The following MAST4 variants were observed in gnomAD, a reference collection of about 807,000 sequenced individuals.
MAST4 encodes the protein microtubule-associated serine/threonine-protein kinase 4.
Under a neutral mutation model 162.7 loss-of-function variants are expected in MAST4, and 89 were observed. That is an observed-to-expected ratio of 0.55 (90% CI 0.46 to 0.65). The LOEUF is 0.65. Among genes scored for constraint, MAST4 ranks in the 30% least tolerant of loss-of-function variants. The pLI, the probability that MAST4 is intolerant of heterozygous loss-of-function variation, is 0.00. For missense variants in MAST4, 3,153 were observed against 3,374.0 expected (o/e 0.93, Z 1.62); for synonymous variants, 1,479 against 1,361.1 (o/e 1.09, Z -1.91).
rs1561218919 is a variant in MAST4 at position 67,166,966 on chromosome 5, C to T, written c.7787C>T (p.Ser2596Phe). Residue 2596 changes from serine to phenylalanine, a missense_variant, in exon 29 of 29, where the codon TCT becomes TTT. This residue lies in a region of MAST4 where 1,644 missense variants were observed against 1,495.0 expected (regional missense o/e 1.10). Transcript: ENST00000403625. Reference sequence around the variant, plus strand: ...GCCCCAAACACTGACCGCCCCATCTCTCTTTCTAATGAGAAGGACTTTGTG... The same window carrying T: ...GCCCCAAACACTGACCGCCCCATCTTTCTTTCTAATGAGAAGGACTTTGTG... ...SPAPNTDRPI[S>F]LSNEKDFVVR... 1 of 1,612,688 alleles carries T rather than the reference C, an allele frequency of 6.2e-7. No homozygotes were observed. Among genetic ancestry groups the T allele is most frequent in the Non-Finnish European group, 8.5e-7 (1 of 1,179,726 alleles).
chr5:66,924,566 C>T (rs1038907593), intron 4 of MAST4, among the ~76,000 whole-genome samples: 8 of 151,926 alleles, frequency 5.3e-5, no homozygotes, highest in Non-Finnish European at 1.2e-4. Context: ...CCACCGCGCC[C>T]GGCTAATTTT....
At chr5:66,634,585 A>G (rs1466680598) in intron 1 of MAST4, among the ~76,000 whole-genome samples, 1 of 152,192 alleles carries the variant, frequency 6.6e-6, no homozygotes, top group South Asian at 2.1e-4. Context: ...TCCCTCGTAG[A>G]AAAAAATGCC....
chr5:66,687,516 G>T (rs1472094427), intron 1 of MAST4, among the ~76,000 whole-genome samples: 2 of 148,008 alleles, frequency 1.4e-5, no homozygotes, highest in Admixed American at 1.3e-4. Context: ...ATACATAGAT[G>T]TGTGTGTACA....
chr5:66,767,155 T>A (rs187345027), intron 2 of MAST4, among the ~76,000 whole-genome samples: 5 of 146,824 alleles, frequency 3.4e-5, no homozygotes, highest in Non-Finnish European at 5.9e-5. Flanking sequence ...TGGTCACAGA[T>A]GAATGTAAAG....
chr5:66,597,214 C>G (rs967815594), intron 1 of MAST4, among the ~76,000 whole-genome samples, 196 bp downstream of exon 1: 14 of 152,204 alleles, frequency 9.2e-5, no homozygotes, highest in African/African-American at 3.4e-4. Flanking sequence ...GTGGCTGTTA[C>G]CCCCGTGTGT....
intron 1 of MAST4, among the ~76,000 whole-genome samples, chr5:66,616,978 T>C (rs1328599245): frequency 6.6e-6 from 1 of 152,238 alleles, no homozygotes; most frequent in African/African-American, 2.4e-5. Context: ...AAAATGGTTT[T>C]AACTAAAGTG....
At chr5:67,052,495 T>G (rs550876850) in intron 4 of MAST4, among the ~76,000 whole-genome samples, 1 of 152,242 alleles carries the variant, frequency 6.6e-6, no homozygotes, top group East Asian at 1.9e-4. Context: ...GTTTTGCCTA[T>G]TGTGGTAGTG....
intron 3 of MAST4, among the ~76,000 whole-genome samples, chr5:66,860,045 T>G (rs1759983139): frequency 6.6e-6 from 1 of 152,248 alleles, no homozygotes; most frequent in Non-Finnish European, 1.5e-5. Flanking sequence ...ATATATTTTA[T>G]TAATCAGTTA....
intron 1 of MAST4, among the ~76,000 whole-genome samples, chr5:66,640,587 G>T (rs113269494): frequency 1.3e-5 from 2 of 152,180 alleles, no homozygotes; most frequent in Non-Finnish European, 2.9e-5. Flanking sequence ...GATTACAGGC[G>T]TGAGCCACCG....
rs1245316543 is a variant in MAST4, at chr5:66,903,981, A to G, written c.674+3999A>G. ...TGGTGCCAGATCCTTCATGGTTTCA[A>G]TTCAGTGTGGAACACATCAACCTTC... On this transcript the variant is annotated intron_variant, in intron 4 of 28. Transcript: ENST00000403625. Among the ~76,000 whole-genome samples the G allele has an allele frequency of 5.3e-5, 8 of 152,220 alleles. No individual in the cohort carries two copies. In the South Asian group the frequency reaches 1.2e-3, roughly 24 times the overall value.
At chr5:66,901,988 T>C (rs1223480829) in intron 4 of MAST4, among the ~76,000 whole-genome samples, 1 of 152,132 alleles carries the variant, frequency 6.6e-6, no homozygotes, top group African/African-American at 2.4e-5. Context: ...AAGGCACAAA[T>C]ATATCTTTAT....
At chr5:66,865,975 T>C (rs1760486447) in intron 3 of MAST4, among the ~76,000 whole-genome samples, 1 of 149,962 alleles carries the variant, frequency 6.7e-6, no homozygotes, top group Non-Finnish European at 1.5e-5. Context: ...CTTGGGAGAC[T>C]GAGGCAGGAG....
rs184080458 is a variant in MAST4, at chr5:67,116,665, A to G, written c.1592-2017A>G. Among the ~76,000 whole-genome samples the G allele has an allele frequency of 9.9e-3, 1,506 of 151,876 alleles. 17 individuals carry two copies. Among genetic ancestry groups the G allele is most frequent in the African/African-American group, 0.035 (1,451 of 41,436 alleles). On this transcript the variant is annotated intron_variant, in intron 12 of 28. Transcript: ENST00000403625. ...ACCTTATCTCTACTAAAAATACAAA[A>G]ATTAGCTGGGCATGGTGGCACACAC...
chr5:66,946,064 C>T (rs1467654841), intron 4 of MAST4, among the ~76,000 whole-genome samples: 4 of 152,024 alleles, frequency 2.6e-5, no homozygotes, highest in Non-Finnish European at 5.9e-5. Context: ...TTAAAATGTG[C>T]TTGAGAAAAG....
chr5:67,142,115 G>A lies in MAST4; in HGVS notation c.2495G>A (p.Gly832Asp). 2.5e-6 allele frequency: 4 copies of A among 1,613,496 alleles called. No individual in the cohort carries two copies. The highest frequency in any genetic ancestry group is 3.4e-6 in the Non-Finnish European group (4 of 1,179,474). ...TCTGTCTCTACCTGCCCCCTTCCAG[G>A]TGGTGCATATGAAGTCAAACAGCAT... ...RQNPLERLGT[G>D]GAYEVKQHRF... The change falls in exon 20 of 29, where the codon GGT becomes GAT. Residue 832 changes from glycine (G) to aspartate (D), a missense_variant and splice_region_variant. Around this residue, in one of 7 missense-constraint regions of MAST4, gnomAD observed 62 missense variants for 63.1 expected, o/e 0.98. Coordinates refer to ENST00000403625, the MANE Select transcript of MAST4 (RefSeq NM_001164664.2).
At chr5:66,639,988 A>G (rs996141194) in intron 1 of MAST4, among the ~76,000 whole-genome samples, 3 of 152,208 alleles carry the variant, frequency 2.0e-5, no homozygotes. Context: ...TTTCCAATAT[A>G]TAATACAATA....
intron 4 of MAST4, among the ~76,000 whole-genome samples, chr5:66,951,029 G>A (rs1744616753): frequency 6.6e-6 from 1 of 152,136 alleles, no homozygotes; most frequent in Non-Finnish European, 1.5e-5. Flanking sequence ...GTGCCATAAT[G>A]TACTTAGCCA....
intron 4 of MAST4, among the ~76,000 whole-genome samples, chr5:66,927,193 G>A (rs1267519676): frequency 6.6e-6 from 1 of 152,314 alleles, no homozygotes; most frequent in Admixed American, 6.5e-5. Context: ...GCCAAGGAAA[G>A]AGAGATGTTA....
chr5:67,013,430 G>A (rs1282467023), intron 4 of MAST4, among the ~76,000 whole-genome samples: 1 of 152,078 alleles, frequency 6.6e-6, no homozygotes, highest in Admixed American at 6.5e-5. Flanking sequence ...GAAAGCTGAT[G>A]GATTTACCAG....
Sources: allele counts gnomAD v4.1 joint callset (sites outside exome capture counted in the v4.1 genomes callset), GRCh38; gene constraint gnomAD v4.1.1; regional missense constraint gnomAD v4.1.1; transcripts MANE v1.5; gene names NCBI Gene and HGNC (gene_info 2026-07-23, HGNC 2026-07-21).